Variants in LCP1 observed in about 807,000 individuals in gnomAD.
LCP1 encodes the protein lymphocyte cytosolic protein 1, also known as plastin-2.
LCP1 carries 23 observed loss-of-function variants against 72.0 expected under a neutral mutation model. The observed-to-expected ratio is 0.32, with a 90% confidence interval of 0.23 to 0.45. The LOEUF is 0.45. Among genes scored for constraint, LCP1 ranks in the 20% least tolerant of loss-of-function variants. The probability of loss-of-function intolerance (pLI) is 1.00; values close to 1 mark genes in which losing one functional copy is unlikely to be tolerated. For missense variants in LCP1, 571 were observed against 748.3 expected (o/e 0.76, Z 2.76); for synonymous variants, 245 against 275.4 (o/e 0.89, Z 1.09).
chr13:46,168,473 C>G (rs1183815071), intron 1 of LCP1: 1 of 152,268 alleles, frequency 6.6e-6, no homozygotes, highest in Non-Finnish European at 1.5e-5. Context: ...CTCAGCAGCA[C>G]GAAAAGCTCT....
intron 11 of LCP1, among the ~76,000 whole-genome samples, 160 bp downstream of exon 11, chr13:46,144,282 A>G (rs539484788): frequency 3.9e-5 from 6 of 152,332 alleles, no homozygotes; most frequent in Non-Finnish European, 7.4e-5. Flanking sequence ...GAGTTTTTCA[A>G]CTGAATATCC....
intron 11 of LCP1, among the ~76,000 whole-genome samples, chr13:46,143,710 A>G (rs1454150328): frequency 6.6e-6 from 1 of 152,228 alleles, no homozygotes; most frequent in Non-Finnish European, 1.5e-5. Context: ...TAACCTATAT[A>G]ACAAACCTGC....
intron 1 of LCP1, among the ~76,000 whole-genome samples, chr13:46,175,018 T>C (rs2045922281): frequency 6.6e-6 from 1 of 152,072 alleles, no homozygotes; most frequent in Non-Finnish European, 1.5e-5. Flanking sequence ...CAACATAAAA[T>C]GAGAGAGAGG....
At position 46,156,438 on chromosome 13, in the gene LCP1, C is replaced by T; in HGVS notation, c.491G>A (p.Cys164Tyr). Residue 164 changes from cysteine (C) to tyrosine (Y), a missense_variant and splice_region_variant, in exon 5 of 16, where the codon TGT (cysteine) becomes TAT (tyrosine). By Grantham distance (194) the Cys-to-Tyr change is radical. Coordinates refer to ENST00000323076, the MANE Select transcript of LCP1 (RefSeq NM_002298.5). ...AAACCAAGAAAGAAGTATTATTTAC[C>T]AAAGGACAATGCCATCTCCAACAGC... ...FNAVGDGIVL[C>Y]KMINLSVPDT... is the part of the protein sequence containing the mutation. 6.2e-7 allele frequency: 1 copy of T among 1,611,704 alleles called. No individual in the cohort carries two copies. The highest frequency in any genetic ancestry group is 8.5e-7 in the Non-Finnish European group (1 of 1,178,850).
intron 5 of LCP1, among the ~76,000 whole-genome samples, chr13:46,155,958 C>A (rs2045798783): frequency 6.6e-6 from 1 of 152,164 alleles, no homozygotes; most frequent in African/African-American, 2.4e-5. Context: ...AAATATATAA[C>A]CAGGAAAATT....
In LCP1 at chr13:46,160,810, A is replaced by G. The variant is rs185111461; in HGVS notation, c.-24-1124T>C. On this transcript the variant is annotated intron_variant, in intron 1 of 15. Coordinates refer to ENST00000323076, the MANE Select transcript of LCP1 (RefSeq NM_002298.5). ...GTGCAGAGGGGATAAGTGGAGTGGG[A>G]GTGTGGGGGTTGGGGTGTTTCTAAG... Among the ~76,000 whole-genome samples, 381 of 152,204 alleles carry G rather than the reference A, an allele frequency of 2.5e-3. 1 individual carries two copies. The highest frequency in any genetic ancestry group is 0.022 in the South Asian group (106 of 4,820).
chr13:46,174,072 C>T (rs1403832468), intron 1 of LCP1, among the ~76,000 whole-genome samples: 1 of 152,134 alleles, frequency 6.6e-6, no homozygotes, highest in African/African-American at 2.4e-5. Flanking sequence ...GCATTTTTAC[C>T]ATTGTAGTCT....
chr13:46,148,298 G>T, intron 9 of LCP1, 54 bp downstream of exon 9: 1 of 1,289,648 alleles, frequency 7.8e-7, no homozygotes, highest in Non-Finnish European at 1.1e-6. Flanking sequence ...TAATGGAACT[G>T]CCAACATGAA....
intron 8 of LCP1, among the ~76,000 whole-genome samples, chr13:46,148,998 G>A (rs1180110310): frequency 6.6e-6 from 1 of 152,148 alleles, no homozygotes; most frequent in Non-Finnish European, 1.5e-5. Flanking sequence ...CTAGAAGCTA[G>A]AAAAATGGTT....
chr13:46,137,245 G>C (rs1261489081), intron 13 of LCP1, among the ~76,000 whole-genome samples: 1 of 150,736 alleles, frequency 6.6e-6, no homozygotes, highest in African/African-American at 2.4e-5. Flanking sequence ...AGAAAGAATA[G>C]AATTAGGCTG....
chr13:46,168,195 G>A (rs879762120), intron 1 of LCP1, among the ~76,000 whole-genome samples: 6 of 152,196 alleles, frequency 3.9e-5, no homozygotes, highest in Non-Finnish European at 7.4e-5. Flanking sequence ...GCCTCTATGG[G>A]ACTCAGTTTT....
In LCP1 at chr13:46,126,445, C is replaced by T. The variant is rs2045598660; in HGVS notation, c.*1146G>A. ...TCTTATCCAGCATAGATTCATTCTG[C>T]CCTTGACAGCTGGCTAGGTGTGTGT... On this transcript the variant is annotated 3_prime_UTR_variant, in exon 16 of 16. Transcript: ENST00000323076. 3 of 232,336 alleles carry T rather than the reference C, an allele frequency of 1.3e-5. No individual in the cohort carries two copies. In the Admixed American group the frequency reaches 1.7e-4, roughly 13 times the overall value. 14.4% of individuals were successfully genotyped at this position (232,336 alleles called of 1,614,324 possible).
rs2045891322 is a variant in LCP1 at position 46,168,899 on chromosome 13, T to C, written c.-24-9213A>G. Among the ~76,000 whole-genome samples, 6 of 152,220 alleles carry C rather than the reference T, an allele frequency of 3.9e-5. No individual in the cohort carries two copies. The South Asian group carries it at 1.2e-3, about 31-fold the overall frequency. On this transcript the variant is annotated intron_variant, in intron 1 of 15. Transcript: ENST00000323076. ...CTCTTTATATTCTTGTAACCTGCTT[T>C]TTTAGGGCTTATTCTCCAAATCTTT...
At chr13:46,131,663 A>T (rs2045634878) in intron 14 of LCP1, among the ~76,000 whole-genome samples, 1 of 152,218 alleles carries the variant, frequency 6.6e-6, no homozygotes. Context: ...ACCATGGAAT[A>T]CTATGCAGCC....
At chr13:46,162,868 C>T (rs1386522103) in intron 1 of LCP1, among the ~76,000 whole-genome samples, 2 of 150,374 alleles carry the variant, frequency 1.3e-5, no homozygotes, top group Non-Finnish European at 3.0e-5. Flanking sequence ...CGTCTCTGCA[C>T]GGCTGCCCCG....
chr13:46,146,878 C>T, intron 10 of LCP1, 30 bp downstream of exon 10: 1 of 1,608,930 alleles, frequency 6.2e-7, no homozygotes, highest in Non-Finnish European at 8.5e-7. Context: ...GAGTGCCTTT[C>T]CCCATCTTAG....
chr13:46,164,947 C>T (rs73189833), intron 1 of LCP1, among the ~76,000 whole-genome samples: 19,297 of 152,104 alleles, frequency 0.13, 1,640 homozygotes, highest in South Asian at 0.24. Flanking sequence ...TTAAAAGGGC[C>T]CCTAAGGTCC....
chr13:46,144,458 C>T lies in LCP1; in HGVS notation c.1237G>A (p.Val413Ile), dbSNP rs766368891. ...TATTCCTACCTGTACAAATGATTGA[C>T]TCGAGGGTTAACACCCAGGGAGTTC... ...WMNSLGVNPRVNHLYSDLSDA... is the reference protein window; with the variant it reads ...WMNSLGVNPRINHLYSDLSDA... Residue 413 changes from valine to isoleucine, a missense_variant, in exon 11 of 16, where the codon GTC becomes ATC. Coordinates refer to ENST00000323076, the MANE Select transcript of LCP1 (RefSeq NM_002298.5). 1 of 1,613,138 alleles carries T rather than the reference C, an allele frequency of 6.2e-7. No individual in the cohort carries two copies. Among genetic ancestry groups the T allele is most frequent in the East Asian group, 2.2e-5 (1 of 44,860 alleles).
At chr13:46,142,108 A>G (rs1197533761) in intron 13 of LCP1, among the ~76,000 whole-genome samples, 184 bp downstream of exon 13, 1 of 152,156 alleles carries the variant, frequency 6.6e-6, no homozygotes, top group Non-Finnish European at 1.5e-5. Flanking sequence ...GTTTCACGAT[A>G]CTTGAAACAA....
Sources: gnomAD v4.1 joint callset for allele counts (sites outside exome capture counted in the v4.1 genomes callset) on GRCh38, gnomAD v4.1.1 for gene constraint, MANE v1.5 for transcripts, NCBI Gene and HGNC (gene_info 2026-07-23, HGNC 2026-07-21) for gene names.